The following COPB2 variants were observed in gnomAD, a reference collection of about 807,000 sequenced individuals.
The protein encoded by COPB2 is coat protein complex I subunit beta 2, also known as coatomer subunit beta'.
In COPB2, 16 loss-of-function variants were observed where a neutral mutation model predicts 120.8. The observed-to-expected ratio is 0.13, with a 90% CI of 0.09 to 0.20. The LOEUF is 0.20. COPB2 is among the 10% of genes least tolerant of loss of function. The probability of loss-of-function intolerance (pLI) is 1.00; values close to 1 mark genes in which losing one functional copy is unlikely to be tolerated. For synonymous variants in COPB2, 332 were observed against 366.3 expected (o/e 0.91, Z 1.07); for missense variants, 794 against 1,076.5 (o/e 0.74, Z 3.67).
chr3:139,364,910 A>G (rs1941487709), intron 15 of COPB2, among the ~76,000 whole-genome samples: 2 of 152,246 alleles, frequency 1.3e-5, no homozygotes, highest in African/African-American at 4.8e-5. Context: ...AATAAAAGGA[A>G]CGTGAAGGAA....
Position 139,389,585 on chromosome 3 carries a change from G to A in COPB2, c.-35C>T. ...GGTCCAATCCCGGGAACCCTCGTTTGTTACCGGCTACTCAGGCCTTGAGAT... is the reference window on the plus strand; with the variant it reads ...GGTCCAATCCCGGGAACCCTCGTTTATTACCGGCTACTCAGGCCTTGAGAT... On this transcript the variant is annotated 5_prime_UTR_variant, in exon 1 of 22. Coordinates refer to ENST00000333188, the MANE Select transcript of COPB2 (RefSeq NM_004766.3). The A allele has an allele frequency of 6.4e-7, 1 of 1,568,396 alleles. No homozygotes were observed. Among genetic ancestry groups the A allele is most frequent in the African/African-American group, 1.4e-5 (1 of 73,920 alleles).
At chr3:139,388,572 T>C (rs2107813502) in intron 1 of COPB2, among the ~76,000 whole-genome samples, 2 of 152,032 alleles carry the variant, frequency 1.3e-5, no homozygotes, top group East Asian at 1.9e-4. Context: ...GATGAGGGAC[T>C]TAATCCCTAG....
Position 139,389,530 on chromosome 3 carries a change from T to G in COPB2, c.3+18A>C. 6.4e-7 allele frequency: 1 copy of G among 1,560,672 alleles called. No homozygotes were observed. The highest frequency in any genetic ancestry group is 1.4e-5 in the African/African-American group (1 of 73,580). ...TAACCTATGGGACCCCGCTCCCTTC[T>G]ACGGGATCTGGACCTACCATGGCTG... On this transcript the variant is annotated intron_variant, in intron 1 of 21. Transcript: ENST00000333188.
intron 1 of COPB2, among the ~76,000 whole-genome samples, chr3:139,386,682 C>T (rs1264455210): frequency 1.3e-5 from 2 of 152,062 alleles, no homozygotes; most frequent in African/African-American, 4.8e-5. Context: ...CTATTATGTA[C>T]CAGGCAGGAA....
At position 139,359,253 on chromosome 3, in the gene COPB2, A is replaced by G; in HGVS notation, c.2303+17T>C. 2 of 1,613,076 alleles carry G rather than the reference A, an allele frequency of 1.2e-6. No homozygotes were observed. The highest frequency in any genetic ancestry group is 1.7e-6 in the Non-Finnish European group (2 of 1,179,532). On this transcript the variant is annotated intron_variant, in intron 18 of 21. Transcript: ENST00000333188. The stretch of plus-strand genomic sequence containing the variant: ...TTTTTATTGGAAACATTTCTTCCTA[A>G]AATTAAAAGTCTGTACCTTGAAACC...
chr3:139,386,320 G>A (rs1941920543), intron 1 of COPB2, among the ~76,000 whole-genome samples: 2 of 151,536 alleles, frequency 1.3e-5, no homozygotes, highest in African/African-American at 4.9e-5. Context: ...GCAGTGGCGT[G>A]ATCTCGGCTC....
At position 139,361,294 on chromosome 3, in the gene COPB2, G is replaced by A. The variant is rs1245330893; in HGVS notation, c.1997C>T (p.Ser666Leu). 1 of 1,611,618 alleles carries A rather than the reference G, an allele frequency of 6.2e-7. No individual in the cohort carries two copies. The highest frequency in any genetic ancestry group is 1.3e-5 in the African/African-American group (1 of 74,856). ...IAYQLAVEAE[S>L]EQKWKQLAEL... ...AGCAAGTTGTTTCCACTTCTGTTCT[G>A]ACTGTAAGAAAAGAGTTTCCAAGTT... The change falls in exon 17 of 22, where the codon TCA becomes TTA. Residue 666 changes from serine (S) to leucine (L), a missense_variant and splice_region_variant. Ser to Leu is a moderately radical substitution (Grantham distance 145). This residue lies in a region of COPB2 where 610 missense variants were observed against 866.7 expected (regional missense o/e 0.70). Transcript: ENST00000333188.
intron 2 of COPB2, chr3:139,379,979 GCT>G (rs1363333492): frequency 6.6e-6 from 1 of 152,004 alleles, no homozygotes; most frequent in Non-Finnish European, 1.4e-5. Context: ...GAATGAATTA[GCT>G]CTTAGTTTCT....
intron 1 of COPB2, among the ~76,000 whole-genome samples, chr3:139,387,131 A>T (rs968066879): frequency 6.6e-6 from 1 of 151,814 alleles, no homozygotes; most frequent in Non-Finnish European, 1.5e-5. Flanking sequence ...GAATCACTTG[A>T]ATCTGGGAGG....
At chr3:139,376,970 C>T (rs572028344) in intron 5 of COPB2, among the ~76,000 whole-genome samples, 130 of 152,218 alleles carry the variant, frequency 8.5e-4, no homozygotes, top group African/African-American at 2.9e-3. Context: ...AGGATGGTCT[C>T]GATCTCCTGA....
Position 139,366,654 on chromosome 3 carries a change from G to T in COPB2, c.1798C>A (p.Arg600=), listed in dbSNP as rs763624564. Residue 600 remains arginine (R), a synonymous_variant, in exon 15 of 22, where the codon CGG becomes AGG. Transcript: ENST00000333188. ...SVLEYQTAVM[R]RDFSMADKVL... is the part of the protein sequence containing the mutation. ...TTATCAGCCATGCTAAAGTCCCTCC[G>T]CATGACAGCTGTCTGGTATTCCAGG... 4 of 1,613,930 alleles carry T rather than the reference G, an allele frequency of 2.5e-6. No individual in the cohort carries two copies. Among genetic ancestry groups the T allele is most frequent in the Non-Finnish European group, 3.4e-6 (4 of 1,179,978 alleles).
At chr3:139,363,008 A>G (rs151249156) in intron 15 of COPB2, among the ~76,000 whole-genome samples, 1 of 152,220 alleles carries the variant, frequency 6.6e-6, no homozygotes, top group Non-Finnish European at 1.5e-5. Flanking sequence ...AAATGGCCAA[A>G]GAAACGGGAG....
At chr3:139,358,346 GGATGATCAGAATTAGGAAGTGGGA>G (rs1443385384) in intron 20 of COPB2, 75 bp from the exon 21 acceptor site, 1 of 1,321,102 alleles carries the variant, frequency 7.6e-7, no homozygotes, top group African/African-American at 1.4e-5. Flanking sequence ...CCCAAGAAAA[GGATGATCAGAATTAGGAAGTGGGA>G]GATGATGTTT....
At chr3:139,388,408 G>C (rs1401373669) in intron 1 of COPB2, 7 of 150,582 alleles carry the variant, frequency 4.6e-5, no homozygotes, top group Non-Finnish European at 8.9e-5. Context: ...TGGATTGTGG[G>C]GGGGGGTGTC....
At position 139,373,201 on chromosome 3, in the gene COPB2, G is replaced by T. The variant is rs374947807; in HGVS notation, c.1094+12C>A. On this transcript the variant is annotated intron_variant, in intron 9 of 21. Coordinates refer to ENST00000333188, the MANE Select transcript of COPB2 (RefSeq NM_004766.3). ...ACACAGAAGCTGAGGGACAATTTTG[G>T]TGATGGCTTACCGCCCATTAGGATT... 24 of 1,613,438 alleles carry T rather than the reference G, an allele frequency of 1.5e-5. No homozygotes were observed. In the African/African-American group the frequency reaches 2.5e-4, roughly 17 times the overall value.
intron 17 of COPB2, 114 bp from the exon 18 acceptor site, chr3:139,359,476 A>G: frequency 1.2e-6 from 1 of 842,578 alleles, no homozygotes; most frequent in Admixed American, 2.5e-5. Context: ...ATCTTCACAC[A>G]TATATCTCAT....
chr3:139,364,869 C>CT (rs1252793824), intron 15 of COPB2, among the ~76,000 whole-genome samples: 1 of 152,120 alleles, frequency 6.6e-6, no homozygotes, highest in Non-Finnish European at 1.5e-5. Flanking sequence ...AGGAAAATCA[C>CT]TAACAGCAAA....
At chr3:139,376,111 G>T (rs1941709067) in intron 5 of COPB2, among the ~76,000 whole-genome samples, 1 of 152,172 alleles carries the variant, frequency 6.6e-6, no homozygotes, top group Non-Finnish European at 1.5e-5. Flanking sequence ...TAAAAAATTA[G>T]CTGGGCATGA....
At chr3:139,383,543 T>C in intron 1 of COPB2, 108 bp from the exon 2 acceptor site, 1 of 1,003,552 alleles carries the variant, frequency 1.0e-6, no homozygotes, top group Non-Finnish European at 1.4e-6. Context: ...CAGCTACTAC[T>C]TTGCTAAGCT....
Sources: gnomAD v4.1 joint callset for allele counts (sites outside exome capture counted in the v4.1 genomes callset) on GRCh38, gnomAD v4.1.1 for gene constraint, gnomAD v4.1.1 regional missense constraint, MANE v1.5 for transcripts, NCBI Gene and HGNC (gene_info 2026-07-23, HGNC 2026-07-21) for gene names.